GUCY1A2: variants seen among roughly 807,000 people sequenced by gnomAD.
The protein encoded by GUCY1A2 is guanylate cyclase soluble subunit alpha-2.
A neutral mutation model predicts 63.5 loss-of-function variants in GUCY1A2; 27 were observed. The observed-to-expected ratio is 0.43, with a 90% CI of 0.31 to 0.59. The LOEUF (loss-of-function observed/expected upper bound fraction) is 0.59. GUCY1A2 is among the 20% of genes least tolerant of loss of function. The probability of loss-of-function intolerance (pLI) is 0.11; values close to 1 mark genes in which losing one functional copy is unlikely to be tolerated. For synonymous variants in GUCY1A2, 364 were observed against 343.5 expected (o/e 1.06, Z -0.66); for missense variants, 768 against 913.3 (o/e 0.84, Z 2.05).
At chr11:106,932,634 T>C (rs1860618751) in intron 4 of GUCY1A2, among the ~76,000 whole-genome samples, 1 of 152,186 alleles carries the variant, frequency 6.6e-6, no homozygotes, top group South Asian at 2.1e-4. Flanking sequence ...AAAGTTCATA[T>C]GGAACCAAAA....
At chr11:106,973,591 G>A (rs1255306493) in intron 3 of GUCY1A2, among the ~76,000 whole-genome samples, 4 of 152,018 alleles carry the variant, frequency 2.6e-5, no homozygotes, top group African/African-American at 4.8e-5. Context: ...GAAAGGTGGT[G>A]TGTAATTAGC....
chr11:106,865,955 G>A (rs897806532), intron 4 of GUCY1A2, among the ~76,000 whole-genome samples: 2 of 151,680 alleles, frequency 1.3e-5, no homozygotes, highest in African/African-American at 4.8e-5. Flanking sequence ...TAAACTTCTT[G>A]AGAAAATAAA....
intron 1 of GUCY1A2, among the ~76,000 whole-genome samples, chr11:106,996,176 A>G (rs1861532883): frequency 6.6e-6 from 1 of 152,190 alleles, no homozygotes; most frequent in Admixed American, 6.5e-5. Context: ...AATAGAAGCA[A>G]CATATCTAAA....
chr11:106,979,454 CAAAAA>C (rs368315276), intron 2 of GUCY1A2, among the ~76,000 whole-genome samples: 4 of 59,484 alleles, frequency 6.7e-5, no homozygotes, highest in Admixed American at 1.7e-4. Flanking sequence ...GACTCCGTCT[CAAAAA>C]AAAAAAAAAA....
chr11:106,979,313 G>T (rs945534432), intron 2 of GUCY1A2, among the ~76,000 whole-genome samples: 6 of 151,966 alleles, frequency 3.9e-5, no homozygotes, highest in African/African-American at 1.5e-4. Context: ...AAATTAGCCG[G>T]AAGTGGTGGC....
intron 4 of GUCY1A2, chr11:106,828,032 C>T: frequency 1.6e-6 from 1 of 636,540 alleles, no homozygotes. Context: ...GCCCTTTGCC[C>T]ACTTTTAATG....
chr11:106,779,278 C>T (rs1446822225), intron 5 of GUCY1A2, among the ~76,000 whole-genome samples: 1 of 152,060 alleles, frequency 6.6e-6, no homozygotes, highest in East Asian at 1.9e-4. Flanking sequence ...TATGAGTTGG[C>T]AAAAGTTTTA....
At chr11:106,779,366 G>A (rs11211911) in intron 5 of GUCY1A2, among the ~76,000 whole-genome samples, 29,967 of 152,106 alleles carry the variant, frequency 0.2, 3,287 homozygotes, top group Middle Eastern at 0.25. Context: ...CATCTAAAAT[G>A]TGCCTATTTA....
intron 4 of GUCY1A2, among the ~76,000 whole-genome samples, chr11:106,918,367 G>A (rs1860396171): frequency 6.9e-6 from 1 of 145,386 alleles, no homozygotes. Context: ...CTTTAATTCT[G>A]CTCTTTGAAA....
intron 4 of GUCY1A2, among the ~76,000 whole-genome samples, chr11:106,813,787 G>T (rs1021588782): frequency 1.3e-5 from 2 of 152,082 alleles, no homozygotes; most frequent in Non-Finnish European, 2.9e-5. Flanking sequence ...TGATAATGAT[G>T]TTGAGGAGGA....
At chr11:106,788,362 T>G (rs1864601894) in intron 5 of GUCY1A2, among the ~76,000 whole-genome samples, 1 of 152,162 alleles carries the variant, frequency 6.6e-6, no homozygotes, top group South Asian at 2.1e-4. Flanking sequence ...GCTAATTGTT[T>G]CCTTTGCTGT....
At chr11:106,811,140 T>G (rs1250198703) in intron 4 of GUCY1A2, among the ~76,000 whole-genome samples, 1 of 152,052 alleles carries the variant, frequency 6.6e-6, no homozygotes. Flanking sequence ...ATTATAATAC[T>G]AAAGGAATTT....
At chr11:107,017,429 TG>T (rs1861838353) in intron 1 of GUCY1A2, among the ~76,000 whole-genome samples, 2 of 152,006 alleles carry the variant, frequency 1.3e-5, no homozygotes, top group South Asian at 4.1e-4. Context: ...AGAAAACAGG[TG>T]GGTGTGAAGC....
At chr11:106,697,421 C>T (rs1457069742) in intron 7 of GUCY1A2, among the ~76,000 whole-genome samples, 1 of 152,144 alleles carries the variant, frequency 6.6e-6, no homozygotes, top group Non-Finnish European at 1.5e-5. Context: ...AACGAATACT[C>T]CAAACATGCT....
chr11:106,901,372 C>G (rs1160520566), intron 4 of GUCY1A2, among the ~76,000 whole-genome samples: 1 of 152,178 alleles, frequency 6.6e-6, no homozygotes, highest in Non-Finnish European at 1.5e-5. Context: ...AAAGTTATCT[C>G]TGAGAACTGA....
At chr11:106,918,617 C>T (rs1486041954) in intron 4 of GUCY1A2, among the ~76,000 whole-genome samples, 1 of 144,644 alleles carries the variant, frequency 6.9e-6, no homozygotes, top group Non-Finnish European at 1.6e-5. Context: ...TTCAAATTCA[C>T]AAAAAAAGAA....
chr11:106,959,753 A>G (rs1591344318), intron 3 of GUCY1A2, among the ~76,000 whole-genome samples: 1 of 152,176 alleles, frequency 6.6e-6, no homozygotes, highest in Non-Finnish European at 1.5e-5. Flanking sequence ...GAGCAATTCA[A>G]TTTTTCCCTC....
intron 5 of GUCY1A2, among the ~76,000 whole-genome samples, chr11:106,807,022 T>C (rs1288067909): frequency 6.6e-6 from 1 of 152,170 alleles, no homozygotes; most frequent in Non-Finnish European, 1.5e-5. Context: ...GAAAGCCCCA[T>C]GTGGGCCACT....
At chr11:106,849,919 A>G (rs2135449720) in intron 4 of GUCY1A2, among the ~76,000 whole-genome samples, 1 of 151,870 alleles carries the variant, frequency 6.6e-6, no homozygotes, top group Middle Eastern at 3.4e-3. Context: ...AACCCATTCA[A>G]AGTATACAAT....
Sources: allele counts gnomAD v4.1 joint callset (sites outside exome capture counted in the v4.1 genomes callset), GRCh38; gene constraint gnomAD v4.1.1; transcripts MANE v1.5; gene names NCBI Gene and HGNC (gene_info 2026-07-23, HGNC 2026-07-21).